The following PPFIA2 variants were observed in gnomAD, a reference collection of about 807,000 sequenced individuals.
PPFIA2 encodes liprin-alpha-2.
In PPFIA2, 46 loss-of-function variants were observed where a neutral mutation model predicts 175.5. The observed-to-expected ratio is 0.26, with a 90% confidence interval of 0.21 to 0.34. The LOEUF is 0.34. PPFIA2 is among the 10% of genes least tolerant of loss of function. The probability of loss-of-function intolerance (pLI) is 1.00; values close to 1 mark genes in which losing one functional copy is unlikely to be tolerated. For synonymous variants in PPFIA2, 568 were observed against 511.4 expected (o/e 1.11, Z -1.49); for missense variants, 1,179 against 1,506.1 (o/e 0.78, Z 3.60).
At chr12:81,344,729 T>C in intron 18 of PPFIA2, 36 bp from the exon 19 acceptor site, 2 of 1,465,574 alleles carry the variant, frequency 1.4e-6, no homozygotes, top group South Asian at 1.3e-5. Flanking sequence ...AAAACACAAT[T>C]AATTAAGAAT....
chr12:81,585,469 G>A (rs779325673), intron 4 of PPFIA2, among the ~76,000 whole-genome samples: 5 of 151,198 alleles, frequency 3.3e-5, no homozygotes, highest in Middle Eastern at 3.2e-3. Context: ...CTTTATATCC[G>A]TATTCTATAA....
chr12:81,347,606 C>T lies in PPFIA2; in HGVS notation c.2159G>A (p.Ser720Asn), dbSNP rs1157377622. 2 of 1,613,746 alleles carry T rather than the reference C, an allele frequency of 1.2e-6. No individual in the cohort carries two copies. The highest frequency in any genetic ancestry group is 1.7e-6 in the Non-Finnish European group (2 of 1,179,774). ...GGTGAGCTTTGGAGTTGAGTGTCCA[C>T]TGGGGGGAGATGAACTGGCCAGCGA... The part of the protein sequence containing the change: ...ASSLASSSPP[S>N]GHSTPKLTPR... The change falls in exon 18 of 33, where the codon AGT (serine) becomes AAT (asparagine). Residue 720 changes from serine (S) to asparagine (N), a missense_variant. Transcript: ENST00000549396.
intron 4 of PPFIA2, among the ~76,000 whole-genome samples, chr12:81,508,136 T>A (rs1383620965): frequency 1.3e-5 from 2 of 152,176 alleles, no homozygotes; most frequent in Non-Finnish European, 2.9e-5. Context: ...AATATATGTA[T>A]GCTTCTTCAT....
intron 3 of PPFIA2, among the ~76,000 whole-genome samples, chr12:81,720,834 T>G (rs889162653): frequency 1.3e-5 from 2 of 151,378 alleles, no homozygotes; most frequent in African/African-American, 2.4e-5. Context: ...TGTTTGTTTT[T>G]TTGGCTTTAG....
chr12:81,439,948 A>G (rs760973639), intron 7 of PPFIA2, 24 bp downstream of exon 7: 1 of 1,586,346 alleles, frequency 6.3e-7, no homozygotes, highest in Non-Finnish European at 8.6e-7. Flanking sequence ...GCACCTCAAA[A>G]GAGGAGAAAG....
intron 6 of PPFIA2, among the ~76,000 whole-genome samples, chr12:81,445,125 G>A (rs2050974279): frequency 7.1e-6 from 1 of 140,534 alleles, no homozygotes; most frequent in Non-Finnish European, 1.5e-5. Context: ...AAAAGTTAAA[G>A]TACATCAATT....
intron 3 of PPFIA2, among the ~76,000 whole-genome samples, chr12:81,736,674 A>G (rs976706577): frequency 3.3e-5 from 5 of 152,056 alleles, no homozygotes; most frequent in African/African-American, 1.2e-4. Context: ...ACCAGAAAAA[A>G]AATTGAAAAT....
chr12:81,545,448 G>C (rs944538502), intron 4 of PPFIA2: 15 of 152,766 alleles, frequency 9.8e-5, no homozygotes, highest in African/African-American at 3.4e-4. Context: ...GGATAAGATG[G>C]GGGGCGGGTG....
At chr12:81,752,715 C>T (rs925443121) in intron 3 of PPFIA2, among the ~76,000 whole-genome samples, 3 of 152,092 alleles carry the variant, frequency 2.0e-5, no homozygotes, top group Admixed American at 6.5e-5. Flanking sequence ...ATTTTATCAA[C>T]TTTGAATATA....
intron 5 of PPFIA2, among the ~76,000 whole-genome samples, chr12:81,446,039 T>C (rs1378607514): frequency 6.6e-6 from 1 of 152,216 alleles, no homozygotes; most frequent in Non-Finnish European, 1.5e-5. Flanking sequence ...TGTATGATAA[T>C]GATGAAAGAA....
intron 4 of PPFIA2, among the ~76,000 whole-genome samples, chr12:81,459,128 A>G (rs971632888): frequency 5.9e-5 from 9 of 152,190 alleles, no homozygotes; most frequent in South Asian, 4.1e-4. Context: ...AGTAGGCTTC[A>G]GGGCTTAGAT....
At chr12:81,326,076 A>G (rs1043245452) in intron 21 of PPFIA2, among the ~76,000 whole-genome samples, 1 of 152,168 alleles carries the variant, frequency 6.6e-6, no homozygotes, top group Non-Finnish European at 1.5e-5. Context: ...AGCAGTACCT[A>G]TGGGGATATA....
chr12:81,467,891 C>T (rs1465785970), intron 4 of PPFIA2, among the ~76,000 whole-genome samples: 1 of 152,126 alleles, frequency 6.6e-6, no homozygotes, highest in African/African-American at 2.4e-5. Context: ...AAGGATGCTC[C>T]CTATTGAATG....
At chr12:81,316,659 G>A (rs967160530) in intron 22 of PPFIA2, among the ~76,000 whole-genome samples, 1 of 151,462 alleles carries the variant, frequency 6.6e-6, no homozygotes, top group African/African-American at 2.4e-5. Context: ...CTCTTTAAAA[G>A]CATGACTGGT....
At chr12:81,340,587 A>AT (rs1566264473) in intron 20 of PPFIA2, among the ~76,000 whole-genome samples, 1 of 152,032 alleles carries the variant, frequency 6.6e-6, no homozygotes, top group Non-Finnish European at 1.5e-5. Flanking sequence ...TTAGCCAAGG[A>AT]TTTTTTTATT....
chr12:81,599,702 G>T (rs2059603117), intron 4 of PPFIA2, among the ~76,000 whole-genome samples: 1 of 151,882 alleles, frequency 6.6e-6, no homozygotes, highest in African/African-American at 2.4e-5. Flanking sequence ...ACATTAATGT[G>T]CTCTTTGTAT....
At chr12:81,495,164 A>G (rs905458608) in intron 4 of PPFIA2, among the ~76,000 whole-genome samples, 1 of 152,046 alleles carries the variant, frequency 6.6e-6, no homozygotes, top group African/African-American at 2.4e-5. Context: ...TTGCTCAATC[A>G]TCCCCTAACA....
At chr12:81,461,630 C>A (rs1475166076) in intron 4 of PPFIA2, among the ~76,000 whole-genome samples, 2 of 152,048 alleles carry the variant, frequency 1.3e-5, no homozygotes, top group Non-Finnish European at 2.9e-5. Context: ...AGAGTAATAC[C>A]AGTGTATGCC....
Position 81,284,322 on chromosome 12 carries a change from G to A in PPFIA2, c.2926-19C>T. Reference sequence around the variant, plus strand: ...CTGAAGGCTAGTGAGGAGGCCCAGAGGGAAGCAGAGGAATCCATGGGAGGC... The same window carrying A: ...CTGAAGGCTAGTGAGGAGGCCCAGAAGGAAGCAGAGGAATCCATGGGAGGC... On this transcript the variant is annotated intron_variant, in intron 24 of 32. Transcript: ENST00000549396. 1 of 1,536,450 alleles carries A rather than the reference G, an allele frequency of 6.5e-7. No homozygotes were observed. Among genetic ancestry groups the A allele is most frequent in the South Asian group, 1.2e-5 (1 of 86,724 alleles).
Sources: gnomAD v4.1 joint callset for allele counts (sites outside exome capture counted in the v4.1 genomes callset) on GRCh38, gnomAD v4.1.1 for gene constraint, MANE v1.5 for transcripts, NCBI Gene and HGNC (gene_info 2026-07-23, HGNC 2026-07-21) for gene names.